The following SNX31 variants were observed in gnomAD, a reference collection of about 807,000 sequenced individuals.
The protein encoded by SNX31 is sorting nexin-31.
A neutral mutation model predicts 65.4 loss-of-function variants in SNX31; 58 were observed. The ratio of observed to expected loss-of-function variants is 0.89; its 90% CI spans 0.72 to 1.10. The LOEUF (loss-of-function observed/expected upper bound fraction) is 1.10, where lower values mean the gene tolerates loss of function less well. SNX31 is among the 50% of genes least tolerant of loss of function. SNX31 has a pLI of 0.00. For synonymous variants in SNX31, 181 were observed against 190.1 expected (o/e 0.95, Z 0.39); for missense variants, 523 against 529.7 (o/e 0.99, Z 0.12).
chr8:100,627,832 C>T (rs944334173), intron 4 of SNX31, among the ~76,000 whole-genome samples: 35 of 151,912 alleles, frequency 2.3e-4, no homozygotes, highest in African/African-American at 8.2e-4. Flanking sequence ...CCACAGCACC[C>T]GGGCATTAAA....
intron 2 of SNX31, among the ~76,000 whole-genome samples, chr8:100,636,732 C>T (rs4289778): frequency 0.28 from 42,842 of 151,480 alleles, 7,104 homozygotes; most frequent in African/African-American, 0.46. Flanking sequence ...TTCTTTCTTT[C>T]TTTTTTGAGA....
intron 2 of SNX31, among the ~76,000 whole-genome samples, chr8:100,644,782 A>T (rs1819514021): frequency 1.3e-5 from 2 of 152,222 alleles, no homozygotes; most frequent in African/African-American, 4.8e-5. Flanking sequence ...CTCGTGCCTC[A>T]TTCTCCCAAG....
chr8:100,581,128 T>A (rs1213600597), intron 12 of SNX31, among the ~76,000 whole-genome samples: 1 of 134,918 alleles, frequency 7.4e-6, no homozygotes, highest in Admixed American at 7.3e-5. Context: ...AGACCTTACC[T>A]CTACAAAAAA....
At chr8:100,644,126 G>T (rs1286520121) in intron 2 of SNX31, among the ~76,000 whole-genome samples, 3 of 151,320 alleles carry the variant, frequency 2.0e-5, no homozygotes, top group Non-Finnish European at 3.0e-5. Context: ...AGGAGATCAG[G>T]TTAGGTCAGA....
chr8:100,577,111 C>T, intron 12 of SNX31, 36 bp from the exon 13 acceptor site: 1 of 1,574,360 alleles, frequency 6.4e-7, no homozygotes, highest in African/African-American at 1.4e-5. Flanking sequence ...CAGCTCAGCC[C>T]AGAGAAGCAA....
At chr8:100,600,572 T>A in intron 8 of SNX31, 131 bp from the exon 9 acceptor site, 1 of 634,076 alleles carries the variant, frequency 1.6e-6, no homozygotes, top group Non-Finnish European at 2.6e-6. Flanking sequence ...TAGCATATTA[T>A]AAGTCTTATT....
In SNX31 at chr8:100,604,701, T is replaced by C. The variant is rs1439066417; in HGVS notation, c.681+3793A>G. 6.6e-6 allele frequency among the ~76,000 whole-genome samples: 1 copy of C among 152,260 alleles called. No homozygotes were observed. The highest frequency in any genetic ancestry group is 1.5e-5 in the Non-Finnish European group (1 of 68,038). On this transcript the variant is annotated intron_variant, in intron 8 of 13. Coordinates refer to ENST00000311812, the MANE Select transcript of SNX31 (RefSeq NM_152628.4). The surrounding 1 kb of genome is among the most constrained non-coding windows in gnomAD (Gnocchi z 4.3). Reference sequence around the variant, plus strand: ...TAGTTTTAAATGCAATCTCTCATTTTTAAACTCAGGTTAAAAGAGGAGCAG... The same window carrying C: ...TAGTTTTAAATGCAATCTCTCATTTCTAAACTCAGGTTAAAAGAGGAGCAG...
In SNX31 at chr8:100,594,458, A is replaced by C. The variant is rs907729064; in HGVS notation, c.978+2181T>G. On this transcript the variant is annotated intron_variant, in intron 10 of 13. Transcript: ENST00000311812. The surrounding 1 kb of genome is among the most constrained non-coding windows in gnomAD (Gnocchi z 4.0). ...TCTCAACACTCAACAGTAAAAAGCC[A>C]AACAATCCAATTCAAAAATGGGTAA... 6.6e-6 allele frequency among the ~76,000 whole-genome samples: 1 copy of C among 152,364 alleles called. No individual in the cohort carries two copies. Among genetic ancestry groups the C allele is most frequent in the East Asian group, 1.9e-4 (1 of 5,194 alleles).
At position 100,630,826 on chromosome 8, in the gene SNX31, C is replaced by T. The variant is rs117995159; in HGVS notation, c.257-435G>A. Among the ~76,000 whole-genome samples, 16 of 152,136 alleles carry T rather than the reference C, an allele frequency of 1.1e-4. No homozygotes were observed. Among genetic ancestry groups the T allele is most frequent in the East Asian group, 1.9e-4 (1 of 5,190 alleles). ...GCACCTCTTTGGAGTCTCGCCCAGTCGCCCAGGCTGGAGTGTAGTGGCGTG... is the reference window on the plus strand; with the variant it reads ...GCACCTCTTTGGAGTCTCGCCCAGTTGCCCAGGCTGGAGTGTAGTGGCGTG... On this transcript the variant is annotated intron_variant, in intron 3 of 13. Coordinates refer to ENST00000311812, the MANE Select transcript of SNX31 (RefSeq NM_152628.4). This position sits in a 1 kb window ranked among gnomAD's most constrained non-coding sequence, Gnocchi z 5.3.
At chr8:100,650,295 A>C (rs1819923839), upstream of SNX31, among the ~76,000 whole-genome samples, 1 of 152,260 alleles carries the variant, frequency 6.6e-6, no homozygotes, top group South Asian at 2.1e-4. Flanking sequence ...GAGATGCTGC[A>C]GCTCTCACCA....
At chr8:100,574,147 G>A (rs1349119328) in intron 13 of SNX31, among the ~76,000 whole-genome samples, 187 bp from the exon 14 acceptor site, 1 of 152,158 alleles carries the variant, frequency 6.6e-6, no homozygotes, top group Non-Finnish European at 1.5e-5. Flanking sequence ...AAATACACTC[G>A]TTAGGACTGA....
rs1473092895 is a variant in SNX31, at chr8:100,609,698, A to G, written c.612-1135T>C. Among the ~76,000 whole-genome samples the G allele has an allele frequency of 1.3e-5, 2 of 152,194 alleles. No individual in the cohort carries two copies. The highest frequency in any genetic ancestry group is 2.9e-5 in the Non-Finnish European group (2 of 68,038). The stretch of plus-strand genomic sequence containing the variant: ...TTGGCTTAGACCAGGAAAGGGATAA[A>G]TATGGTGCTTGAAGGTCAACTTCAT... On this transcript the variant is annotated intron_variant, in intron 7 of 13. Transcript: ENST00000311812. This position sits in a 1 kb window ranked among gnomAD's most constrained non-coding sequence, Gnocchi z 4.9.
At chr8:100,611,441 C>A (rs1816700126) in intron 7 of SNX31, among the ~76,000 whole-genome samples, 1 of 152,208 alleles carries the variant, frequency 6.6e-6, no homozygotes, top group Non-Finnish European at 1.5e-5. Context: ...TCCTCATTTT[C>A]ATACCCCACC....
Position 100,573,254 on chromosome 8 carries a change from C to T in SNX31, c.*611G>A, listed in dbSNP as rs980233473. 2 of 151,196 alleles carry T rather than the reference C, an allele frequency of 1.3e-5. No homozygotes were observed. Among genetic ancestry groups the T allele is most frequent in the African/African-American group, 2.5e-5 (1 of 40,442 alleles). 9.4% of individuals were successfully genotyped at this position (151,196 alleles called of 1,614,324 possible). ...AATGGTCAAGCAGAGAACAGGGCAGCGTTTCACTTTGAGTACATCCATATT... is the reference window on the plus strand; with the variant it reads ...AATGGTCAAGCAGAGAACAGGGCAGTGTTTCACTTTGAGTACATCCATATT... On this transcript the variant is annotated 3_prime_UTR_variant, in exon 14 of 14. Transcript: ENST00000311812.
At chr8:100,645,803 G>T (rs1276073690) in intron 2 of SNX31, among the ~76,000 whole-genome samples, 1 of 152,068 alleles carries the variant, frequency 6.6e-6, no homozygotes, top group Non-Finnish European at 1.5e-5. Context: ...TAGAGACAGG[G>T]TTTTGCCATG....
Position 100,596,855 on chromosome 8 carries a change from G to T in SNX31, c.775-13C>A. On this transcript the variant is annotated splice_polypyrimidine_tract_variant and intron_variant, in intron 9 of 13. Transcript: ENST00000311812. ...CCAGCTCCAAAAACTGCTCCAAAGAGGGTGATGTGGGGGGAGGGGAGGCAA... is the reference window on the plus strand; with the variant it reads ...CCAGCTCCAAAAACTGCTCCAAAGATGGTGATGTGGGGGGAGGGGAGGCAA... 6.2e-7 allele frequency: 1 copy of T among 1,612,426 alleles called. No homozygotes were observed. The highest frequency in any genetic ancestry group is 1.1e-5 in the South Asian group (1 of 91,010).
In SNX31 at chr8:100,627,420, A is replaced by G. The variant is rs114425403; in HGVS notation, c.321+2907T>C. ...TTAACAACATTGAATGATCCCATGA[A>G]TGATGGAAAGCAAAACCCAGAATGC... On this transcript the variant is annotated intron_variant, in intron 4 of 13. Coordinates refer to ENST00000311812, the MANE Select transcript of SNX31 (RefSeq NM_152628.4). Among the ~76,000 whole-genome samples, 483 of 152,370 alleles carry G rather than the reference A, an allele frequency of 3.2e-3. 3 individuals carry two copies. Among genetic ancestry groups the G allele is most frequent in the African/African-American group, 0.011 (459 of 41,582 alleles).
chr8:100,585,994 CA>C (rs548379935), intron 11 of SNX31, among the ~76,000 whole-genome samples: 222 of 152,228 alleles, frequency 1.5e-3, no homozygotes, highest in African/African-American at 5.1e-3. Context: ...AATCTTGGCT[CA>C]CTACAACCTT....
Position 100,585,513 on chromosome 8 carries a change from C to A in SNX31, c.1093-1325G>T, listed in dbSNP as rs552746202. Among the ~76,000 whole-genome samples, 5 of 152,048 alleles carry A rather than the reference C, an allele frequency of 3.3e-5. No individual in the cohort carries two copies. The South Asian group carries it at 1.0e-3, about 32-fold the overall frequency. On this transcript the variant is annotated intron_variant, in intron 11 of 13. Coordinates refer to ENST00000311812, the MANE Select transcript of SNX31 (RefSeq NM_152628.4). The stretch of plus-strand genomic sequence containing the variant: ...GAGGGAAAATGGGCTACATACAGCT[C>A]TCAATGTCTTCCAGGGGTGTAGAGC...
Sources: allele counts gnomAD v4.1 joint callset (sites outside exome capture counted in the v4.1 genomes callset), GRCh38; gene constraint gnomAD v4.1.1; non-coding constraint Gnocchi (gnomAD v3.1); transcripts MANE v1.5; gene names NCBI Gene and HGNC (gene_info 2026-07-23, HGNC 2026-07-21).